Variants in ASMTL observed in about 807,000 individuals in gnomAD.
ASMTL encodes probable bifunctional dTTP/UTP pyrophosphatase/methyltransferase protein.
A neutral mutation model predicts 60.3 loss-of-function variants in ASMTL; 57 were observed. The ratio of observed to expected loss-of-function variants is 0.95; its 90% CI spans 0.76 to 1.18. The LOEUF (loss-of-function observed/expected upper bound fraction) is 1.18, where lower values mean the gene tolerates loss of function less well. ASMTL is among the 50% of genes most tolerant of loss of function. ASMTL has a pLI of 0.00. For synonymous variants in ASMTL, 419 were observed against 373.0 expected, an observed-to-expected ratio of 1.12 and a Z score of -1.42; for missense variants, 981 against 852.6, an observed-to-expected ratio of 1.15 and a Z score of -1.88.
At chrX:1,410,327 GCC>G (rs1302243671) in intron 12 of ASMTL, among the ~76,000 whole-genome samples, 22 of 150,868 alleles carry the variant, frequency 1.5e-4, no homozygotes, top group African/African-American at 4.9e-4. Flanking sequence ...GATCGCTTGA[GCC>G]CAGGAGGTCA....
chrX:1,444,892 C>T (rs2091200950), intron 1 of ASMTL, among the ~76,000 whole-genome samples: 1 of 152,148 alleles, frequency 6.6e-6, no homozygotes, highest in Non-Finnish European at 1.5e-5. Flanking sequence ...GGAGGGTTCT[C>T]AAAACCCTCA....
chrX:1,437,624 G>A (rs1384521376), intron 3 of ASMTL, among the ~76,000 whole-genome samples: 51 of 152,206 alleles, frequency 3.4e-4, no homozygotes, highest in African/African-American at 9.7e-4. Flanking sequence ...TGGGCCGGGC[G>A]TGGTGGCTCA....
intron 6 of ASMTL, among the ~76,000 whole-genome samples, chrX:1,431,196 T>C (rs1425818520): frequency 8.0e-6 from 1 of 125,704 alleles, no homozygotes; most frequent in Non-Finnish European, 1.6e-5. Flanking sequence ...TATATAATTA[T>C]ATATCATTTA....
At chrX:1,423,542 A>G (rs1874373251) in intron 8 of ASMTL, among the ~76,000 whole-genome samples, 2 of 151,964 alleles carry the variant, frequency 1.3e-5, no homozygotes, top group Non-Finnish European at 1.5e-5. Context: ...TCATCCATCC[A>G]TCCATCCACC....
intron 1 of ASMTL, among the ~76,000 whole-genome samples, chrX:1,444,444 G>C (rs2091191569): frequency 6.6e-6 from 1 of 152,034 alleles, no homozygotes; most frequent in Admixed American, 6.6e-5. Context: ...CCTGACCTCA[G>C]GTGATCCGCC....
intron 11 of ASMTL, among the ~76,000 whole-genome samples, chrX:1,413,284 C>G (rs2090106929): frequency 6.6e-6 from 1 of 152,174 alleles, no homozygotes; most frequent in African/African-American, 2.4e-5. Context: ...ATCGCTTGAA[C>G]CTGGGAGGTG....
At chrX:1,436,631 G>C (rs1296671748) in intron 3 of ASMTL, among the ~76,000 whole-genome samples, 37 of 151,140 alleles carry the variant, frequency 2.4e-4, no homozygotes, top group Non-Finnish European at 2.1e-4. Flanking sequence ...GGATGACAGG[G>C]GTGAGCCACC....
At chrX:1,425,781 A>C (rs2090598955) in intron 7 of ASMTL, 94 bp from the exon 8 acceptor site, 5 of 1,284,412 alleles carry the variant, frequency 3.9e-6, no homozygotes, top group Non-Finnish European at 5.4e-6. Context: ...CGCTGTCGGA[A>C]GTATACAACT....
chrX:1,446,377 C>T (rs2091231202), intron 1 of ASMTL, among the ~76,000 whole-genome samples: 1 of 152,100 alleles, frequency 6.6e-6, no homozygotes, highest in Admixed American at 6.5e-5. Context: ...GGTAGTGGTC[C>T]CCCGGGCCCA....
chrX:1,429,047 C>T (rs1444481127), intron 6 of ASMTL, among the ~76,000 whole-genome samples: 1 of 151,320 alleles, frequency 6.6e-6, no homozygotes, highest in Non-Finnish European at 1.5e-5. Context: ...CAGGCACCTG[C>T]CAACACACCC....
chrX:1,410,262 C>G (rs2089959830), intron 12 of ASMTL, among the ~76,000 whole-genome samples: 3 of 47,762 alleles, frequency 6.3e-5, no homozygotes, highest in African/African-American at 3.4e-4. Context: ...GATGACAACA[C>G]TGCCCTCCAG....
Position 1,442,191 on chromosome X carries a change from A to G in ASMTL, c.220T>C (p.Tyr74His). Residue 74 changes from tyrosine (Y) to histidine (H), a missense_variant, in exon 2 of 13, where the codon TAC (tyrosine) becomes CAC (histidine). Tyr to His is a moderately conservative substitution (Grantham distance 83). Transcript: ENST00000381317. Reference protein sequence around the residue: ...QKALEVANRLYQKDLRAPDVV... With the variant: ...QKALEVANRLHQKDLRAPDVV... Reference sequence around the variant, plus strand: ...GAAGGGCAGGGGCCCCTTGCCTGGTACAGCCGGTTGGCCACCTCCAGGGCC... The same window carrying G: ...GAAGGGCAGGGGCCCCTTGCCTGGTGCAGCCGGTTGGCCACCTCCAGGGCC... 1 of 1,613,708 alleles carries G rather than the reference A, an allele frequency of 6.2e-7. No individual in the cohort carries two copies. Among genetic ancestry groups the G allele is most frequent in the Non-Finnish European group, 8.5e-7 (1 of 1,179,844 alleles).
At chrX:1,428,646 C>CAAATAAATAAATGAATAAATAAAT (rs2090681264) in intron 6 of ASMTL, among the ~76,000 whole-genome samples, 1 of 134,420 alleles carries the variant, frequency 7.4e-6, no homozygotes, top group East Asian at 2.2e-4. Context: ...GACTCCGTCT[C>CAAATAAATAAATGAATAAATAAAT]AAATAAATAA....
intron 12 of ASMTL, 23 bp downstream of exon 12, chrX:1,412,709 C>G (rs749195260): frequency 1.4e-5 from 22 of 1,613,866 alleles, no homozygotes; most frequent in Non-Finnish European, 1.6e-5. Context: ...ACAAAAACAG[C>G]TAACCTGACG....
At chrX:1,450,609 T>A (rs1431250680) in intron 1 of ASMTL, among the ~76,000 whole-genome samples, 1 of 82,258 alleles carries the variant, frequency 1.2e-5, no homozygotes, top group Non-Finnish European at 2.4e-5. Flanking sequence ...CCCTCCCCCA[T>A]CCCTAGGGGT....
chrX:1,447,475 G>C (rs1320062708), intron 1 of ASMTL, among the ~76,000 whole-genome samples: 1 of 151,498 alleles, frequency 6.6e-6, no homozygotes, highest in East Asian at 1.9e-4. Flanking sequence ...CGGCCATGTT[G>C]GAGAAGCACC....
At chrX:1,439,755 G>C (rs1382689191) in intron 2 of ASMTL, among the ~76,000 whole-genome samples, 3 of 150,470 alleles carry the variant, frequency 2.0e-5, no homozygotes, top group South Asian at 2.1e-4. Flanking sequence ...AGAATCGCTT[G>C]AACCTAGGAG....
chrX:1,417,224 C>G (rs1453623265), intron 11 of ASMTL, among the ~76,000 whole-genome samples: 8 of 151,446 alleles, frequency 5.3e-5, no homozygotes, highest in African/African-American at 1.5e-4. Context: ...CACACAGGGA[C>G]ACACAACCAC....
chrX:1,453,111 A>C, upstream of ASMTL, among the ~76,000 whole-genome samples: 1 of 115,854 alleles, frequency 8.6e-6, no homozygotes, highest in African/African-American at 3.3e-5. Flanking sequence ...GTCACGCCCC[A>C]TTGATCTCCC....
Sources: allele counts gnomAD v4.1 joint callset (sites outside exome capture counted in the v4.1 genomes callset), GRCh38; gene constraint gnomAD v4.1.1; transcripts MANE v1.5; gene names NCBI Gene and HGNC (gene_info 2026-07-23, HGNC 2026-07-21).